WDTC1: variants seen among roughly 807,000 people sequenced by gnomAD.
WDTC1 encodes the protein WD and tetratricopeptide repeats 1.
WDTC1 carries 12 observed loss-of-function variants against 76.0 expected under a neutral mutation model. That is an observed-to-expected ratio of 0.16 (90% confidence interval 0.10 to 0.26). The LOEUF is 0.26. Among genes scored for constraint, WDTC1 ranks in the 10% least tolerant of loss-of-function variants. WDTC1 has a pLI of 1.00. For missense variants in WDTC1, 511 were observed against 908.8 expected (o/e 0.56, Z 5.63); for synonymous variants, 326 against 350.8 (o/e 0.93, Z 0.79).
chr1:27,265,409 G>A (rs1280794029), intron 3 of WDTC1, among the ~76,000 whole-genome samples: 2 of 152,166 alleles, frequency 1.3e-5, no homozygotes, highest in Non-Finnish European at 2.9e-5. Context: ...CATCTAAAAT[G>A]TGTTTTTTAT....
chr1:27,242,135 T>C (rs1253419785), intron 1 of WDTC1, among the ~76,000 whole-genome samples: 2 of 151,944 alleles, frequency 1.3e-5, no homozygotes, highest in Non-Finnish European at 2.9e-5. Context: ...CCAGTGATCC[T>C]CCTGCCTTGG....
chr1:27,257,959 T>A (rs927686148), intron 1 of WDTC1, among the ~76,000 whole-genome samples: 1 of 152,000 alleles, frequency 6.6e-6, no homozygotes, highest in African/African-American at 2.4e-5. Flanking sequence ...CCTGGCTAAT[T>A]TTTGTATTTT....
At chr1:27,243,402 A>T (rs1219589427) in intron 1 of WDTC1, among the ~76,000 whole-genome samples, 1 of 151,808 alleles carries the variant, frequency 6.6e-6, no homozygotes, top group East Asian at 1.9e-4. Context: ...TAATAGAGAC[A>T]GGGTTTCACC....
intron 5 of WDTC1, among the ~76,000 whole-genome samples, chr1:27,287,168 A>G (rs952198777): frequency 6.6e-6 from 1 of 151,816 alleles, no homozygotes; most frequent in Non-Finnish European, 1.5e-5. Context: ...GTCTCAAAAA[A>G]AAAAAACAAA....
At chr1:27,272,791 T>C (rs1204539176) in intron 3 of WDTC1, among the ~76,000 whole-genome samples, 1 of 152,066 alleles carries the variant, frequency 6.6e-6, no homozygotes, top group Admixed American at 6.6e-5. Context: ...TGTCTGTACT[T>C]CTAGGTACTC....
intron 1 of WDTC1, among the ~76,000 whole-genome samples, chr1:27,257,335 G>A (rs370289400): frequency 1.3e-5 from 2 of 152,080 alleles, no homozygotes; most frequent in African/African-American, 2.4e-5. Context: ...GTTCCAATGC[G>A]TCCTATGCCT....
At chr1:27,294,170 T>C in intron 8 of WDTC1, 54 bp downstream of exon 8, 1 of 1,576,114 alleles carries the variant, frequency 6.3e-7, no homozygotes, top group Non-Finnish European at 8.7e-7. Context: ...CTGACTCTTT[T>C]GGGGGCAGTC....
At chr1:27,261,275 C>T (rs1270840423) in intron 2 of WDTC1, among the ~76,000 whole-genome samples, 173 bp downstream of exon 2, 1 of 152,176 alleles carries the variant, frequency 6.6e-6, no homozygotes, top group Non-Finnish European at 1.5e-5. Context: ...CTTGTATTGT[C>T]TAAGAACATG....
Position 27,306,635 on chromosome 1 carries a change from C to G in WDTC1, c.*252C>G, listed in dbSNP as rs2013963059. ...GAGGGGACACCCCTCCATATGCCCC[C>G]CCCCATCTCCTGCTTTCATGTCCCT... On this transcript the variant is annotated 3_prime_UTR_variant, in exon 16 of 16. Transcript: ENST00000319394. The surrounding 1 kb of genome is among the most constrained non-coding windows in gnomAD (Gnocchi z 5.0). 7.3e-6 allele frequency: 4 copies of G among 546,614 alleles called. No homozygotes were observed. The highest frequency in any genetic ancestry group is 6.4e-5 in the Admixed American group (2 of 31,278). 33.9% of individuals were successfully genotyped at this position (546,614 alleles called of 1,614,324 possible).
At chr1:27,272,170 C>T (rs2012889224) in intron 3 of WDTC1, among the ~76,000 whole-genome samples, 2 of 151,844 alleles carry the variant, frequency 1.3e-5, no homozygotes, top group South Asian at 2.1e-4. Context: ...CGCTTGAACC[C>T]GGCAGGCAGA....
In WDTC1 at chr1:27,247,712, C is replaced by CT. The variant is rs35930144; in HGVS notation, c.-100+12778dup. On this transcript the variant is annotated intron_variant, in intron 1 of 15. Transcript: ENST00000319394. Reference sequence around the variant, plus strand: ...GGTGTACATGTACCACATTTTCTTTCTTTTTTTTTTTTTTTTTCTTTGTGA... The same window carrying CT: ...GGTGTACATGTACCACATTTTCTTTCTTTTTTTTTTTTTTTTTTCTTTGTGA... Among the ~76,000 whole-genome samples the CT allele has an allele frequency of 2.8e-3, 376 of 136,528 alleles. 1 individual carries two copies. Among genetic ancestry groups the CT allele is most frequent in the African/African-American group, 4.9e-3 (182 of 37,342 alleles). 89.6% of individuals were successfully genotyped at this position (136,528 alleles called of 152,430 possible).
rs145889919 is a variant in WDTC1, at chr1:27,269,589, A to G, written c.132+6354A>G. On this transcript the variant is annotated intron_variant, in intron 3 of 15. Coordinates refer to ENST00000319394, the MANE Select transcript of WDTC1 (RefSeq NM_001276252.2). ...TTGACCATAAGAGCAACATGATCAGATTTTTTTTTGTTTTTTGTTTTTTTT... is the reference window on the plus strand; with the variant it reads ...TTGACCATAAGAGCAACATGATCAGGTTTTTTTTTGTTTTTTGTTTTTTTT... Among the ~76,000 whole-genome samples, 148 of 118,010 alleles carry G rather than the reference A, an allele frequency of 1.3e-3. 1 individual carries two copies. Among genetic ancestry groups the G allele is most frequent in the Admixed American group, 2.3e-3 (23 of 10,032 alleles). 77.4% of individuals were successfully genotyped at this position (118,010 alleles called of 152,430 possible). A position where few individuals can be genotyped will look rare whatever the true frequency, so the allele number is the denominator to read the frequency against.
At position 27,294,087 on chromosome 1, in the gene WDTC1, C is replaced by T. The variant is rs1277681248; in HGVS notation, c.728C>T (p.Pro243Leu). 2 of 1,614,120 alleles carry T rather than the reference C, an allele frequency of 1.2e-6. No individual in the cohort carries two copies. Among genetic ancestry groups the T allele is most frequent in the Non-Finnish European group, 1.7e-6 (2 of 1,180,008 alleles). ...TTCTGTGACCGGCAGAAACCCCTTC[C>T]GGACGGTGCAGCCCAGTATTACGTA... ...HTFCDRQKPL[P>L]DGAAQYYVAG... Residue 243 changes from proline (P) to leucine (L), a missense_variant, in exon 8 of 16, where the codon CCG (proline) becomes CTG (leucine). By Grantham distance (98) the Pro-to-Leu change is moderately conservative. Transcript: ENST00000319394.
chr1:27,242,167 C>T (rs954008258), intron 1 of WDTC1, among the ~76,000 whole-genome samples: 2 of 152,132 alleles, frequency 1.3e-5, no homozygotes, highest in East Asian at 1.9e-4. Flanking sequence ...GTTGGGATTA[C>T]GGGGATGAGC....
chr1:27,235,182 G>C (rs546572496), intron 1 of WDTC1, among the ~76,000 whole-genome samples: 2 of 152,082 alleles, frequency 1.3e-5, no homozygotes, highest in African/African-American at 4.8e-5. Context: ...GTCGGGACGC[G>C]GGGGGAGGCT....
At position 27,303,940 on chromosome 1, in the gene WDTC1, C is replaced by T. The variant is rs2013893193; in HGVS notation, c.1643+145C>T. ...GGGCAAATGGCTTCACCTTTGTCAG[C>T]CTCTAAAGTTTTTTAATCTATGAAA... On this transcript the variant is annotated intron_variant, in intron 14 of 15. Coordinates refer to ENST00000319394, the MANE Select transcript of WDTC1 (RefSeq NM_001276252.2). This position sits in a 1 kb window ranked among gnomAD's most constrained non-coding sequence, Gnocchi z 4.8. 1 of 1,115,292 alleles carries T rather than the reference C, an allele frequency of 9.0e-7. No individual in the cohort carries two copies. Among genetic ancestry groups the T allele is most frequent in the African/African-American group, 1.6e-5 (1 of 61,178 alleles). 69.1% of individuals were successfully genotyped at this position (1,115,292 alleles called of 1,614,324 possible).
At position 27,274,021 on chromosome 1, in the gene WDTC1, A is replaced by C. The variant is rs2012951862; in HGVS notation, c.133-8218A>C. ...TAGGAAAATACAAAGGGCTGAGCAT[A>C]GTGGCTCACACCTGTAATCCTATCA... On this transcript the variant is annotated intron_variant, in intron 3 of 15. Coordinates refer to ENST00000319394, the MANE Select transcript of WDTC1 (RefSeq NM_001276252.2). The surrounding 1 kb of genome is among the most constrained non-coding windows in gnomAD (Gnocchi z 4.2). 1.3e-5 allele frequency among the ~76,000 whole-genome samples: 2 copies of C among 152,294 alleles called. No individual in the cohort carries two copies. The highest frequency in any genetic ancestry group is 1.5e-5 in the Non-Finnish European group (1 of 68,022).
chr1:27,306,400 C>A lies in WDTC1; in HGVS notation c.*17C>A, dbSNP rs377496472. ...CCCAGCTAGACCCTCCAGCCCTGGT[C>A]CCCAGCCCCTGCTACTGGCTGGACC... is the stretch of plus-strand genomic sequence containing the variant. On this transcript the variant is annotated 3_prime_UTR_variant, in exon 16 of 16. Transcript: ENST00000319394. This position sits in a 1 kb window ranked among gnomAD's most constrained non-coding sequence, Gnocchi z 5.0. 1 of 1,606,290 alleles carries A rather than the reference C, an allele frequency of 6.2e-7. No individual in the cohort carries two copies. The highest frequency in any genetic ancestry group is 8.5e-7 in the Non-Finnish European group (1 of 1,177,980).
At chr1:27,296,129 C>T (rs1269164519) in intron 9 of WDTC1, among the ~76,000 whole-genome samples, 197 bp from the exon 10 acceptor site, 1 of 152,090 alleles carries the variant, frequency 6.6e-6, no homozygotes, top group Non-Finnish European at 1.5e-5. Flanking sequence ...AGATAGCCCA[C>T]CCTGAATGCT....
Sources: gnomAD v4.1 joint callset for allele counts (sites outside exome capture counted in the v4.1 genomes callset) on GRCh38, gnomAD v4.1.1 for gene constraint, Gnocchi (gnomAD v3.1) non-coding constraint, MANE v1.5 for transcripts, NCBI Gene and HGNC (gene_info 2026-07-23, HGNC 2026-07-21) for gene names.